The following DPH6 variants were observed in gnomAD, a reference collection of about 807,000 sequenced individuals.
DPH6 encodes diphthine--ammonia ligase.
DPH6 carries 33 observed loss-of-function variants against 38.2 expected under a neutral mutation model. The ratio of observed to expected loss-of-function variants is 0.86; its 90% CI spans 0.65 to 1.15. The LOEUF is 1.15. DPH6 is among the 50% of genes most tolerant of loss of function. The pLI is 0.00. For synonymous variants in DPH6, 108 were observed against 103.0 expected (o/e 1.05, Z -0.30); for missense variants, 325 against 320.0 (o/e 1.02, Z -0.12).
the DPH6 span, among the ~76,000 whole-genome samples, chr15:35,197,139 T>C: frequency 2.6e-5 from 4 of 152,140 alleles, no homozygotes; most frequent in Admixed American, 6.6e-5. Context: ...TAATCTTTAA[T>C]GTAATAAAAT....
intron 5 of DPH6, among the ~76,000 whole-genome samples, chr15:35,436,818 TC>T (rs2053722400): frequency 6.7e-6 from 1 of 150,098 alleles, no homozygotes; most frequent in Admixed American, 6.7e-5. Context: ...CTTTTTTTTC[TC>T]CCCCTTTTAG....
intron 3 of DPH6, among the ~76,000 whole-genome samples, chr15:35,358,672 A>C (rs2052588837): frequency 6.6e-6 from 1 of 152,170 alleles, no homozygotes; most frequent in Admixed American, 6.5e-5. Context: ...CTAGCCACAC[A>C]GCAAGTCTAC....
Position 35,298,516 on chromosome 15 carries a change from C to T in DPH6, n.200+75005G>A. The T allele has an allele frequency of 3.9e-6, 3 of 777,548 alleles. No individual in the cohort carries two copies. The South Asian group carries it at 4.0e-5, about 10-fold the overall frequency. 48.2% of individuals were successfully genotyped at this position (777,548 alleles called of 1,614,324 possible). ...CTTCATCCACCTTTCCCGCACCAAC[C>T]ATGTTCCTTAGTAGGACCACTTTAT... On this transcript the variant is annotated intron_variant and non_coding_transcript_variant, in intron 3 of 3. Coordinates refer to the DPH6 transcript ENST00000560386.
chr15:35,299,490 G>A, intron 3 of DPH6: 1 of 743,406 alleles, frequency 1.3e-6, no homozygotes, highest in Admixed American at 1.8e-5. Flanking sequence ...CCCATGGGCC[G>A]CGGTGGCGGC....
chr15:35,199,882 T>C, the DPH6 span, among the ~76,000 whole-genome samples: 13 of 152,004 alleles, frequency 8.6e-5, no homozygotes, highest in African/African-American at 3.1e-4. Context: ...CCACCAGGGC[T>C]TAGAGAGCAT....
At chr15:35,459,018 G>A (rs969451453) in intron 3 of DPH6, among the ~76,000 whole-genome samples, 2 of 152,138 alleles carry the variant, frequency 1.3e-5, no homozygotes, top group African/African-American at 4.8e-5. Context: ...AACTGAGAAA[G>A]AAAATATATA....
intron 5 of DPH6, among the ~76,000 whole-genome samples, chr15:35,417,375 C>T (rs2053449442): frequency 7.3e-6 from 1 of 136,734 alleles, no homozygotes; most frequent in Non-Finnish European, 1.6e-5. Context: ...TATTTTCTAA[C>T]TAGATGATAA....
chr15:35,319,613 T>C (rs1022329453), intron 3 of DPH6, among the ~76,000 whole-genome samples: 1 of 152,074 alleles, frequency 6.6e-6, no homozygotes, highest in African/African-American at 2.4e-5. Flanking sequence ...TGTTGGTGCG[T>C]GCCTATAATC....
At chr15:35,364,812 T>C (rs1314780618) in intron 3 of DPH6, among the ~76,000 whole-genome samples, 2 of 152,050 alleles carry the variant, frequency 1.3e-5, no homozygotes, top group African/African-American at 2.4e-5. Flanking sequence ...TGGTGTGTTT[T>C]GTTAATTTTG....
intron 3 of DPH6, among the ~76,000 whole-genome samples, chr15:35,534,365 G>GT (rs1193518504): frequency 7.9e-6 from 1 of 126,832 alleles, no homozygotes; most frequent in Admixed American, 8.7e-5. Context: ...CAACAAGAGC[G>GT]TAACTCTGTC....
At chr15:35,485,672 C>A (rs529924736) in intron 3 of DPH6, among the ~76,000 whole-genome samples, 2 of 152,282 alleles carry the variant, frequency 1.3e-5, no homozygotes, top group South Asian at 4.2e-4. Context: ...GTGTCAAAGT[C>A]AAATGCTGAA....
intron 3 of DPH6, among the ~76,000 whole-genome samples, chr15:35,243,914 G>A (rs919481113): frequency 6.6e-6 from 1 of 152,114 alleles, no homozygotes. Context: ...CTACTTCAAG[G>A]CAGCAGCTAA....
downstream of DPH6, among the ~76,000 whole-genome samples, chr15:35,214,553 T>G (rs2051402735): frequency 6.6e-6 from 1 of 152,346 alleles, no homozygotes; most frequent in East Asian, 1.9e-4. Flanking sequence ...CTTCTCATCA[T>G]GTTCAATGTT....
At chr15:35,238,774 G>T (rs563310400) in intron 3 of DPH6, among the ~76,000 whole-genome samples, 16 of 152,036 alleles carry the variant, frequency 1.1e-4, no homozygotes, top group East Asian at 3.9e-4. Context: ...CCATTGTGAT[G>T]TGTTCCTGCC....
At chr15:35,521,376 A>G (rs571591354) in intron 3 of DPH6, 1 of 1,046,572 alleles carries the variant, frequency 9.6e-7, no homozygotes, top group East Asian at 7.1e-5. Context: ...TTATATAAAT[A>G]GACTATATCA....
In DPH6 at chr15:35,251,169, CA is replaced by C. The variant is rs765453762; in HGVS notation, n.201-30588del. Among the ~76,000 whole-genome samples the C allele has an allele frequency of 5.3e-5, 8 of 152,256 alleles. No homozygotes were observed. In the East Asian group the frequency reaches 9.7e-4, roughly 18 times the overall value. The stretch of plus-strand genomic sequence containing the variant: ...ATGCCAGTCCTGTCCTTGGTTTCTC[CA>C]TTTTTCTTTCTTTCTTTCTTAAAAT... On this transcript the variant is annotated intron_variant and non_coding_transcript_variant, in intron 3 of 3. Coordinates refer to the DPH6 transcript ENST00000560386.
At chr15:35,224,610 T>C (rs898729217) in intron 3 of DPH6, among the ~76,000 whole-genome samples, 1 of 152,230 alleles carries the variant, frequency 6.6e-6, no homozygotes, top group Non-Finnish European at 1.5e-5. Flanking sequence ...CTGGATCTTA[T>C]GTTAAGAATA....
At chr15:35,277,475 T>A (rs564705300) in intron 3 of DPH6, among the ~76,000 whole-genome samples, 45 of 152,278 alleles carry the variant, frequency 3.0e-4, no homozygotes, top group African/African-American at 1.1e-3. Context: ...AAGCAAGAAC[T>A]AATACTGAAA....
At chr15:35,305,876 TTC>T (rs1240081584) in intron 3 of DPH6, among the ~76,000 whole-genome samples, 8 of 152,206 alleles carry the variant, frequency 5.3e-5, no homozygotes, top group African/African-American at 1.9e-4. Context: ...GTAGTGGTTA[TTC>T]TGTTATTCTT....
Sources: gnomAD v4.1 joint callset for allele counts (sites outside exome capture counted in the v4.1 genomes callset) on GRCh38, gnomAD v4.1.1 for gene constraint, MANE v1.5 for transcripts, NCBI Gene and HGNC (gene_info 2026-07-23, HGNC 2026-07-21) for gene names.